Variants in CNTN1 observed in about 807,000 individuals in gnomAD.
CNTN1 encodes contactin-1.
A neutral mutation model predicts 126.4 loss-of-function variants in CNTN1; 38 were observed. The ratio of observed to expected loss-of-function variants is 0.30; its 90% confidence interval spans 0.23 to 0.39. The LOEUF (loss-of-function observed/expected upper bound fraction) is 0.39. CNTN1 is among the 10% of genes least tolerant of loss of function. The pLI, the probability that CNTN1 is intolerant of heterozygous loss-of-function variation, is 1.00. For synonymous variants in CNTN1, 413 were observed against 422.6 expected, an observed-to-expected ratio of 0.98 and a Z score of 0.28; for missense variants, 1,009 against 1,248.4, an observed-to-expected ratio of 0.81 and a Z score of 2.89.
chr12:40,694,575 A>G (rs1941399417), intron 1 of CNTN1, among the ~76,000 whole-genome samples: 1 of 152,218 alleles, frequency 6.6e-6, no homozygotes, highest in South Asian at 2.1e-4. Context: ...AATGTGGTTA[A>G]TGTTGATACC....
chr12:41,059,308 C>A (rs138332828), intron 23 of CNTN1, among the ~76,000 whole-genome samples: 27 of 152,178 alleles, frequency 1.8e-4, no homozygotes, highest in African/African-American at 6.5e-4. Flanking sequence ...CTTTTTGCCC[C>A]AGTTTTATCC....
chr12:40,712,590 C>A (rs996629463), intron 1 of CNTN1, among the ~76,000 whole-genome samples: 1 of 152,028 alleles, frequency 6.6e-6, no homozygotes, highest in Non-Finnish European at 1.5e-5. Context: ...CAAGCCCAAC[C>A]AACCCCATAG....
At chr12:40,728,570 GA>G (rs991369768) in intron 1 of CNTN1, among the ~76,000 whole-genome samples, 3 of 152,124 alleles carry the variant, frequency 2.0e-5, no homozygotes, top group African/African-American at 7.2e-5. Context: ...CATTCTATAG[GA>G]AAGGAAGGCA....
intron 23 of CNTN1, 30 bp from the exon 24 acceptor site, chr12:41,069,929 T>C: frequency 6.3e-7 from 1 of 1,577,032 alleles, no homozygotes; most frequent in Non-Finnish European, 8.7e-7. Flanking sequence ...ATCAATGAAA[T>C]AATATGCACA....
chr12:40,886,583 T>C (rs946167854), intron 1 of CNTN1, among the ~76,000 whole-genome samples: 6 of 152,186 alleles, frequency 3.9e-5, no homozygotes, highest in Non-Finnish European at 8.8e-5. Context: ...TAGATCCCAT[T>C]TGTCAATTTT....
chr12:40,873,040 C>CA (rs1452716441), intron 1 of CNTN1, among the ~76,000 whole-genome samples: 1 of 152,018 alleles, frequency 6.6e-6, no homozygotes, highest in Non-Finnish European at 1.5e-5. Context: ...AGGCTGACAC[C>CA]AACCCCATGC....
At position 40,922,546 on chromosome 12, in the gene CNTN1, T is replaced by C. The variant is rs1417509557; in HGVS notation, c.400+118T>C. 6.8e-6 allele frequency: 6 copies of C among 879,958 alleles called. No homozygotes were observed. In the Admixed American group the frequency reaches 9.6e-5, roughly 14 times the overall value. 54.5% of individuals were successfully genotyped at this position (879,958 alleles called of 1,614,324 possible). A position where few individuals can be genotyped will look rare whatever the true frequency, so the allele number is the denominator to read the frequency against. On this transcript the variant is annotated intron_variant, in intron 5 of 23. Transcript: ENST00000551295. ...CATAGATGAGGTGGATCTTACAAGA[T>C]GAGTGGACCCTAATTGTGTAATGGA...
intron 14 of CNTN1, 106 bp from the exon 15 acceptor site, chr12:40,959,008 A>T: frequency 7.6e-7 from 1 of 1,316,262 alleles, no homozygotes; most frequent in Non-Finnish European, 1.1e-6. Context: ...CACATTCTTT[A>T]AGTGGTGTTC....
chr12:40,971,393 C>A, intron 15 of CNTN1: 1 of 1,543,714 alleles, frequency 6.5e-7, no homozygotes, highest in Non-Finnish European at 8.8e-7. Context: ...CCTAATTGGG[C>A]ATCCACACTC....
chr12:40,871,366 G>C (rs1457347605), intron 1 of CNTN1, among the ~76,000 whole-genome samples: 1 of 152,106 alleles, frequency 6.6e-6, no homozygotes, highest in East Asian at 1.9e-4. Context: ...AGGGAGAGGA[G>C]AAGTATGGCT....
Position 40,923,742 on chromosome 12 carries a change from G to A in CNTN1, c.401-815G>A, listed in dbSNP as rs115639878. Among the ~76,000 whole-genome samples the A allele has an allele frequency of 5.4e-3, 827 of 152,242 alleles. 5 individuals carry two copies. Among genetic ancestry groups the A allele is most frequent in the African/African-American group, 0.019 (800 of 41,560 alleles). On this transcript the variant is annotated intron_variant, in intron 5 of 23. Transcript: ENST00000551295. ...AATGTCAAGTAAGCTATTGAGGATA[G>A]GGATGGCATTCAAGTAAGACACCAG...
At chr12:40,720,398 C>A (rs1384516438) in intron 1 of CNTN1, among the ~76,000 whole-genome samples, 1 of 136,136 alleles carries the variant, frequency 7.3e-6, no homozygotes, top group South Asian at 2.7e-4. Flanking sequence ...AAGTAACACT[C>A]ATCTCAAAGG....
At chr12:40,824,546 T>C (rs1228835969) in intron 1 of CNTN1, among the ~76,000 whole-genome samples, 1 of 152,136 alleles carries the variant, frequency 6.6e-6, no homozygotes, top group East Asian at 1.9e-4. Flanking sequence ...ATTGGCTGAC[T>C]CCAAAAACTG....
intron 1 of CNTN1, among the ~76,000 whole-genome samples, chr12:40,759,558 C>T (rs954747133): frequency 1.3e-5 from 2 of 151,702 alleles, no homozygotes; most frequent in Admixed American, 6.6e-5. Flanking sequence ...TTCTACCTCC[C>T]AGGCTCAAGT....
intron 1 of CNTN1, among the ~76,000 whole-genome samples, chr12:40,864,807 G>A (rs544271270): frequency 6.6e-6 from 1 of 152,222 alleles, no homozygotes; most frequent in African/African-American, 2.4e-5. Context: ...CTATCTGTAA[G>A]TTTTGTGTAG....
rs142118262 is a variant in CNTN1, at chr12:40,754,308, G to A, written c.-77+61716G>A. Among the ~76,000 whole-genome samples the A allele has an allele frequency of 1.2e-4, 19 of 152,046 alleles. No individual in the cohort carries two copies. In the East Asian group the frequency reaches 3.7e-3, roughly 29 times the overall value. ...GGAAATTGATTTCAGCACCGTTACAGGTATCAAAATTCACAATGTTCAAGT... is the reference window on the plus strand; with the variant it reads ...GGAAATTGATTTCAGCACCGTTACAAGTATCAAAATTCACAATGTTCAAGT... On this transcript the variant is annotated intron_variant, in intron 1 of 23. Transcript: ENST00000551295.
rs536287976 is a variant in CNTN1 at position 40,802,366 on chromosome 12, T to C, written c.-76-105991T>C. 1.5e-4 allele frequency among the ~76,000 whole-genome samples: 23 copies of C among 152,116 alleles called. No homozygotes were observed. In the South Asian group the frequency reaches 4.6e-3, roughly 30 times the overall value. ...GTGTAAATATTAAGTATGAGGTAAC[T>C]TCAGTATGGTCATGAAAAATGGACT... On this transcript the variant is annotated intron_variant, in intron 1 of 23. Coordinates refer to ENST00000551295, the MANE Select transcript of CNTN1 (RefSeq NM_001843.4).
At chr12:40,851,244 G>A (rs1942704424) in intron 1 of CNTN1, among the ~76,000 whole-genome samples, 1 of 152,160 alleles carries the variant, frequency 6.6e-6, no homozygotes, top group African/African-American at 2.4e-5. Context: ...TTAGAAATAG[G>A]TGTGACTCTC....
intron 1 of CNTN1, among the ~76,000 whole-genome samples, chr12:40,724,236 C>T (rs1565650158): frequency 6.6e-6 from 1 of 152,124 alleles, no homozygotes; most frequent in African/African-American, 2.4e-5. Context: ...GAGAAGTTTG[C>T]TAATCCTTTC....
Sources: gnomAD v4.1 joint callset for allele counts (sites outside exome capture counted in the v4.1 genomes callset) on GRCh38, gnomAD v4.1.1 for gene constraint, MANE v1.5 for transcripts, NCBI Gene and HGNC (gene_info 2026-07-23, HGNC 2026-07-21) for gene names.